The following PKHD1 variants were observed in gnomAD, a reference collection of about 807,000 sequenced individuals.
PKHD1 encodes fibrocystin.
A neutral mutation model predicts 412.0 loss-of-function variants in PKHD1; 291 were observed. That is an observed-to-expected ratio of 0.71 (90% confidence interval 0.64 to 0.78). PKHD1 has a LOEUF of 0.78. PKHD1 is among the 30% of genes least tolerant of loss of function. The pLI is 0.00. For synonymous variants in PKHD1, 1,777 were observed against 1,821.5 expected (o/e 0.98, Z 0.62); for missense variants, 4,825 against 4,950.7 (o/e 0.97, Z 0.76).
chr6:51,748,400 C>T lies in PKHD1; in HGVS notation c.9216G>A (p.Ala3072=), dbSNP rs764734730. ...NNLVVLMTQP[A]WSTIWVAGIK... ...TTCCCGCCACCCAAATGGTGGACCA[C>T]GCTGGCTGTGTCATCAGAACCACAA... Residue 3072 remains alanine (A), a synonymous_variant, in exon 58 of 67, where the codon GCG becomes GCA. Transcript: ENST00000371117. 1.9e-5 allele frequency: 31 copies of T among 1,614,042 alleles called. 1 individual carries two copies. The South Asian group carries it at 2.3e-4, about 12-fold the overall frequency.
chr6:51,758,053 A>AGAGAGAGAGAGAGAGAGAGAG (rs1491172795), intron 55 of PKHD1, among the ~76,000 whole-genome samples: 10 of 148,374 alleles, frequency 6.7e-5, no homozygotes, highest in African/African-American at 9.9e-5. Context: ...AGAGAGAGAG[A>AGAGAGAGAGAGAGAGAGAGAG]AAACAAAGCA....
chr6:51,868,472 A>G (rs1377410107), intron 47 of PKHD1, among the ~76,000 whole-genome samples: 1 of 151,948 alleles, frequency 6.6e-6, no homozygotes, highest in African/African-American at 2.4e-5. Context: ...TGCTACTGGC[A>G]GCTAGTAGGT....
intron 35 of PKHD1, among the ~76,000 whole-genome samples, chr6:51,965,589 C>A (rs1178648648): frequency 6.8e-6 from 1 of 146,604 alleles, no homozygotes; most frequent in Non-Finnish European, 1.5e-5. Context: ...TGGTTATAAA[C>A]CCCTCATGAT....
In PKHD1 at chr6:52,087,280, C is replaced by T. The variant is rs116207933; in HGVS notation, c.-85+154G>A. Among the ~76,000 whole-genome samples the T allele has an allele frequency of 3.6e-3, 548 of 152,300 alleles. 4 individuals carry two copies. The highest frequency in any genetic ancestry group is 0.013 in the African/African-American group (520 of 41,558). On this transcript the variant is annotated intron_variant, in intron 1 of 66. Transcript: ENST00000371117. ...TCACTCCCTCTTCCCTTCTTCCTCC[C>T]TTCCCTCTCAGCTTCTCCTTTGGGA...
intron 60 of PKHD1, among the ~76,000 whole-genome samples, chr6:51,700,709 A>C (rs995297382): frequency 2.0e-5 from 3 of 152,162 alleles, no homozygotes; most frequent in Non-Finnish European, 4.4e-5. Flanking sequence ...GTATGCACTT[A>C]ACATTGCTTT....
In PKHD1 at chr6:51,907,420, C is replaced by G. The variant is rs116698705; in HGVS notation, c.6683-1080G>C. On this transcript the variant is annotated intron_variant, in intron 40 of 66. Transcript: ENST00000371117. ...TCAAGGATCCACCCCAATAAATTAA[C>G]CCATCCATATCTACTTCTGTAGCAA... is the stretch of plus-strand genomic sequence containing the variant. Among the ~76,000 whole-genome samples the G allele has an allele frequency of 7.6e-3, 1,162 of 152,236 alleles. 17 individuals are homozygous for G. Among genetic ancestry groups the G allele is most frequent in the African/African-American group, 0.027 (1,112 of 41,566 alleles).
At position 51,739,636 on chromosome 6, in the gene PKHD1, C is replaced by T. The variant is rs764926824; in HGVS notation, c.10156+4749G>A. ...TGATGGCAGCAGAAATGTTGTTTTGCTCATTGCTATAGTTTCCATGCTTAG... is the reference window on the plus strand; with the variant it reads ...TGATGGCAGCAGAAATGTTGTTTTGTTCATTGCTATAGTTTCCATGCTTAG... On this transcript the variant is annotated intron_variant, in intron 60 of 66. Coordinates refer to ENST00000371117, the MANE Select transcript of PKHD1 (RefSeq NM_138694.4). 1.1e-3 allele frequency among the ~76,000 whole-genome samples: 171 copies of T among 152,198 alleles called. 3 individuals carry two copies. Among genetic ancestry groups the T allele is most frequent in the Non-Finnish European group, 4.1e-4 (28 of 68,028 alleles).
intron 11 of PKHD1, among the ~76,000 whole-genome samples, chr6:52,066,679 C>G (rs1329023578): frequency 6.6e-6 from 1 of 152,116 alleles, no homozygotes; most frequent in Non-Finnish European, 1.5e-5. Flanking sequence ...GCAGGTGGAT[C>G]ACCTGAGGTC....
At position 51,649,237 on chromosome 6, in the gene PKHD1, C is replaced by T. The variant is rs376832200; in HGVS notation, c.11175-17G>A. 3.1e-6 allele frequency: 5 copies of T among 1,588,088 alleles called. No individual in the cohort carries two copies. In the African/African-American group the frequency reaches 5.4e-5, roughly 17 times the overall value. On this transcript the variant is annotated splice_polypyrimidine_tract_variant and intron_variant, in intron 61 of 66. Transcript: ENST00000371117. ...CTTGTATTTCTGACAGATATAAAAA[C>T]AAACAAAATACATCCTTAGGATTAC...
At chr6:52,064,097 C>T (rs1400403258) in intron 13 of PKHD1, among the ~76,000 whole-genome samples, 1 of 152,238 alleles carries the variant, frequency 6.6e-6, no homozygotes, top group Non-Finnish European at 1.5e-5. Context: ...ACTTTGCATG[C>T]ATTTTCACAC....
At chr6:51,682,659 G>C (rs1196731042) in intron 60 of PKHD1, among the ~76,000 whole-genome samples, 1 of 152,014 alleles carries the variant, frequency 6.6e-6, no homozygotes, top group Non-Finnish European at 1.5e-5. Context: ...GCTTGCCTCT[G>C]CTTCTGCTTT....
chr6:51,956,952 A>G (rs1462158066), intron 36 of PKHD1, among the ~76,000 whole-genome samples: 2 of 152,064 alleles, frequency 1.3e-5, no homozygotes, highest in Non-Finnish European at 1.5e-5. Flanking sequence ...ATTCCACTGG[A>G]GGTTTTGAGG....
intron 52 of PKHD1, among the ~76,000 whole-genome samples, chr6:51,797,783 G>A (rs1055709373): frequency 1.3e-5 from 2 of 152,022 alleles, no homozygotes; most frequent in African/African-American, 4.8e-5. Context: ...TCTTTTAATT[G>A]GGGCATTTAG....
intron 37 of PKHD1, among the ~76,000 whole-genome samples, chr6:51,918,878 G>C (rs749139114): frequency 5.3e-5 from 8 of 151,550 alleles, no homozygotes; most frequent in Non-Finnish European, 1.2e-4. Flanking sequence ...ATGGTATATT[G>C]ACCAGTAATG....
chr6:52,023,957 T>C (rs1801767241), intron 32 of PKHD1, among the ~76,000 whole-genome samples: 1 of 152,242 alleles, frequency 6.6e-6, no homozygotes, highest in South Asian at 2.1e-4. Context: ...TTTCTATAGT[T>C]TTTTTCCTTA....
chr6:51,657,489 A>G (rs1451010169), intron 61 of PKHD1, among the ~76,000 whole-genome samples: 1 of 152,158 alleles, frequency 6.6e-6, no homozygotes, highest in East Asian at 1.9e-4. Flanking sequence ...TGTCTTTTAA[A>G]ATGCTAAAGA....
rs1282248283 is a variant in PKHD1, at chr6:51,748,583, T to C, written c.9033A>G (p.Ala3011=). The change falls in exon 58 of 67, where the codon GCA becomes GCG. Residue 3011 remains alanine, a synonymous_variant. Transcript: ENST00000371117. The part of the protein sequence containing the change: ...YSSVEFSNVS[A]GSWIISSTLH... ...GAGTAGATGATATGATCCAGGATCCTGCTGACACATTACTGAATTCAACAG... is the reference window on the plus strand; with the variant it reads ...GAGTAGATGATATGATCCAGGATCCCGCTGACACATTACTGAATTCAACAG... 1 of 1,613,674 alleles carries C rather than the reference T, an allele frequency of 6.2e-7. No individual in the cohort carries two copies. Among genetic ancestry groups the C allele is most frequent in the Non-Finnish European group, 8.5e-7 (1 of 1,179,678 alleles).
intron 60 of PKHD1, among the ~76,000 whole-genome samples, chr6:51,722,563 G>A (rs940603033): frequency 3.3e-5 from 5 of 152,118 alleles, no homozygotes; most frequent in South Asian, 2.1e-4. Flanking sequence ...GACCTGATCC[G>A]TAAAGCATAT....
chr6:51,771,533 C>T (rs12664042), intron 55 of PKHD1, among the ~76,000 whole-genome samples: 23,998 of 151,568 alleles, frequency 0.16, 2,212 homozygotes, highest in African/African-American at 0.26. Flanking sequence ...ACAGGAAAAT[C>T]ACTTGAACCC....
Sources: allele counts gnomAD v4.1 joint callset (sites outside exome capture counted in the v4.1 genomes callset), GRCh38; gene constraint gnomAD v4.1.1; transcripts MANE v1.5; gene names NCBI Gene and HGNC (gene_info 2026-07-23, HGNC 2026-07-21).